Variants in SRR observed in about 807,000 individuals in gnomAD.
SRR encodes the protein serine racemase.
SRR carries 19 observed loss-of-function variants against 32.7 expected under a neutral mutation model. That is an observed-to-expected ratio of 0.58 (90% CI 0.40 to 0.85). The LOEUF (loss-of-function observed/expected upper bound fraction) is 0.85. Ranked by LOEUF, SRR falls within the 40% of genes least tolerant of loss-of-function variation. SRR has a pLI of 0.00. For missense variants in SRR, 373 were observed against 404.7 expected (o/e 0.92, Z 0.67); for synonymous variants, 142 against 140.9 (o/e 1.01, Z -0.06).
intron 2 of SRR, among the ~76,000 whole-genome samples, chr17:2,316,974 T>A (rs769380050): frequency 6.7e-6 from 1 of 149,488 alleles, no homozygotes; most frequent in Non-Finnish European, 1.5e-5. Flanking sequence ...CGCCCGCCTC[T>A]GCCTCCCAAA....
At position 2,323,751 on chromosome 17, in the gene SRR, G is replaced by A. The variant is rs377162534; in HGVS notation, c.901G>A (p.Val301Ile). The A allele has an allele frequency of 1.4e-4, 221 of 1,614,054 alleles. No homozygotes were observed. The highest frequency in any genetic ancestry group is 1.8e-4 in the Non-Finnish European group (217 of 1,180,032). Residue 301 changes from valine to isoleucine, a missense_variant, in exon 8 of 8, where the codon GTT (valine) becomes ATT (isoleucine). Coordinates refer to ENST00000344595, the MANE Select transcript of SRR (RefSeq NM_021947.3). ...TGTGCTGTCTCAACATTTTCAAACT[G>A]TTTCCCCAGAAGTAAAGAACATTTG... The part of the protein sequence containing the change: ...AAVLSQHFQT[V>I]SPEVKNICIV...
At chr17:2,305,515 C>T (rs1211786912) in intron 1 of SRR, among the ~76,000 whole-genome samples, 4 of 151,920 alleles carry the variant, frequency 2.6e-5, no homozygotes, top group African/African-American at 7.3e-5. Context: ...ATACGAGTTC[C>T]AGAAGGGGAT....
chr17:2,316,692 C>A (rs1415692030), intron 2 of SRR, among the ~76,000 whole-genome samples: 8 of 151,868 alleles, frequency 5.3e-5, no homozygotes, highest in Non-Finnish European at 1.0e-4. Context: ...GCCTGACCAA[C>A]ATGATGAAAC....
rs2075567593 is a variant in SRR, at chr17:2,325,050, T to C, written c.*1177T>C. The C allele has an allele frequency of 1.7e-6, 1 of 605,422 alleles. No individual in the cohort carries two copies. The highest frequency in any genetic ancestry group is 2.8e-6 in the Non-Finnish European group (1 of 357,338). The allele number at this position is 605,422 out of a possible 1,614,324, so 37.5% of individuals were successfully genotyped here. A position where few individuals can be genotyped will look rare whatever the true frequency, so the allele number is the denominator to read the frequency against. On this transcript the variant is annotated 3_prime_UTR_variant, in exon 8 of 8. Transcript: ENST00000344595. ...AAATGATGTATAACAAAACCATACT[T>C]TTTCTCATCAGTTGTTACAAGGAAA...
rs201876645 is a variant in SRR, at chr17:2,323,860, C to T, written c.1010C>T (p.Ser337Phe). ...KQAERPASYQ[S>F]VSV The stretch of plus-strand genomic sequence containing the variant: ...GCTGAAAGGCCAGCTTCTTATCAGT[C>T]TGTTTCTGTTTAATTTACAGAAAAG... The change falls in exon 8 of 8, where the codon TCT (serine) becomes TTT (phenylalanine). Residue 337 changes from serine (S) to phenylalanine (F), a missense_variant. Transcript: ENST00000344595. 55 of 1,613,882 alleles carry T rather than the reference C, an allele frequency of 3.4e-5. 1 individual carries two copies. The African/African-American group carries it at 6.8e-4, about 20-fold the overall frequency.
chr17:2,324,072 C>T lies in SRR; in HGVS notation c.*199C>T, dbSNP rs866264166. The T allele has an allele frequency of 4.4e-6, 6 of 1,370,396 alleles. No individual in the cohort carries two copies. In the South Asian group the frequency reaches 8.8e-5, roughly 20 times the overall value. 84.9% of individuals were successfully genotyped at this position (1,370,396 alleles called of 1,614,324 possible). A position where few individuals can be genotyped will look rare whatever the true frequency, so the allele number is the denominator to read the frequency against. On this transcript the variant is annotated 3_prime_UTR_variant, in exon 8 of 8. Coordinates refer to ENST00000344595, the MANE Select transcript of SRR (RefSeq NM_021947.3). The stretch of plus-strand genomic sequence containing the variant: ...CATTTTGTCAAGGCTAAAAAAAAGT[C>T]TTGCAAAATGGGGCAGTGGACTGAC...
rs754668063 is a variant in SRR at position 2,324,217 on chromosome 17, C to T, written c.*344C>T. On this transcript the variant is annotated 3_prime_UTR_variant, in exon 8 of 8. Coordinates refer to ENST00000344595, the MANE Select transcript of SRR (RefSeq NM_021947.3). ...TCCATTACTCCATGCCCCCTTGAGG[C>T]ACTGTTGAAGAAATCTCACTTTTCA... 6.6e-7 allele frequency: 1 copy of T among 1,523,792 alleles called. No individual in the cohort carries two copies. Among genetic ancestry groups the T allele is most frequent in the Non-Finnish European group, 8.8e-7 (1 of 1,140,914 alleles). The allele number at this position is 1,523,792 out of a possible 1,614,324, so 94.4% of individuals were successfully genotyped here. A position where few individuals can be genotyped will look rare whatever the true frequency, so the allele number is the denominator to read the frequency against.
chr17:2,320,295 T>A (rs1304885021), intron 4 of SRR, among the ~76,000 whole-genome samples: 6 of 119,894 alleles, frequency 5.0e-5, no homozygotes, highest in Admixed American at 9.6e-5. Flanking sequence ...TCTCCCCGTC[T>A]CCCAGGCTGG....
chr17:2,317,184 T>C (rs1041013921), intron 2 of SRR, among the ~76,000 whole-genome samples: 3 of 120,744 alleles, frequency 2.5e-5, no homozygotes, highest in Admixed American at 1.1e-4. Flanking sequence ...CCATGGGTGA[T>C]AGAGGAAGAC....
chr17:2,323,401 AG>A, intron 7 of SRR, 56 bp downstream of exon 7: 4 of 1,601,430 alleles, frequency 2.5e-6, no homozygotes, highest in Non-Finnish European at 3.4e-6. Flanking sequence ...CTTAGGCAGA[AG>A]AAACTTCCCT....
intron 1 of SRR, among the ~76,000 whole-genome samples, chr17:2,304,450 C>T (rs1265423509): frequency 6.7e-6 from 1 of 149,218 alleles, no homozygotes; most frequent in Non-Finnish European, 1.5e-5. Flanking sequence ...CGGGGTTTCA[C>T]TAGGCTGGTC....
At chr17:2,316,798 C>T (rs970092112) in intron 2 of SRR, among the ~76,000 whole-genome samples, 44 of 152,062 alleles carry the variant, frequency 2.9e-4, no homozygotes, top group Admixed American at 7.9e-4. Flanking sequence ...CTGTAAGCTC[C>T]ACCTCCCAGG....
rs1014285417 is a variant in SRR, at chr17:2,307,726, A to G, written c.-5+3709A>G. On this transcript the variant is annotated intron_variant, in intron 1 of 7. Coordinates refer to ENST00000344595, the MANE Select transcript of SRR (RefSeq NM_021947.3). ...AGTGGCGGAAGATTTTAATTAGGCAACAAAGCTTAGCATGAGAGGAGAGCC... is the reference window on the plus strand; with the variant it reads ...AGTGGCGGAAGATTTTAATTAGGCAGCAAAGCTTAGCATGAGAGGAGAGCC... The G allele has an allele frequency of 1.7e-4, 166 of 987,986 alleles. No individual in the cohort carries two copies. The African/African-American group carries it at 2.4e-3, about 14-fold the overall frequency. The allele number at this position is 987,986 out of a possible 1,614,324, so 61.2% of individuals were successfully genotyped here.
At chr17:2,310,141 T>A (rs1195555650) in intron 1 of SRR, among the ~76,000 whole-genome samples, 2 of 152,106 alleles carry the variant, frequency 1.3e-5, no homozygotes, top group Admixed American at 6.6e-5. Context: ...CCTACTAAGG[T>A]AGTACAAATT....
intron 1 of SRR, among the ~76,000 whole-genome samples, chr17:2,313,501 C>G (rs1041565479): frequency 6.7e-6 from 1 of 149,698 alleles, no homozygotes; most frequent in Admixed American, 6.7e-5. Context: ...TTTGGGAGGC[C>G]GAGGCGGGCG....
Position 2,324,212 on chromosome 17 carries a change from T to G in SRR, c.*339T>G. On this transcript the variant is annotated 3_prime_UTR_variant, in exon 8 of 8. Transcript: ENST00000344595. The stretch of plus-strand genomic sequence containing the variant: ...TTGAATCCATTACTCCATGCCCCCT[T>G]GAGGCACTGTTGAAGAAATCTCACT... 6.6e-7 allele frequency: 1 copy of G among 1,523,286 alleles called. No individual in the cohort carries two copies. The highest frequency in any genetic ancestry group is 8.8e-7 in the Non-Finnish European group (1 of 1,140,554). 94.4% of individuals were successfully genotyped at this position (1,523,286 alleles called of 1,614,324 possible). A position where few individuals can be genotyped will look rare whatever the true frequency, so the allele number is the denominator to read the frequency against.
In SRR at chr17:2,323,347, T is replaced by C; in HGVS notation, c.804+2T>C. On this transcript the variant is annotated splice_donor_variant, in intron 7 of 7. Coordinates refer to ENST00000344595, the MANE Select transcript of SRR (RefSeq NM_021947.3). LOFTEE classifies it high-confidence loss of function. ...ACTGTCACAGAGGATGAAATTAAGG[T>C]GAGGCTCCAGCAAGAAAAGAAATAG... The C allele has an allele frequency of 1.2e-6, 2 of 1,613,860 alleles. No homozygotes were observed. Among genetic ancestry groups the C allele is most frequent in the Non-Finnish European group, 8.5e-7 (1 of 1,179,814 alleles).
chr17:2,323,981 A>T lies in SRR; in HGVS notation c.*108A>T. ...ATCAGATTCTTAATGGAGAGTGGCT[A>T]TTTCATTAAGATTTAATAGTTTTTT... On this transcript the variant is annotated 3_prime_UTR_variant, in exon 8 of 8. Coordinates refer to ENST00000344595, the MANE Select transcript of SRR (RefSeq NM_021947.3). 1.7e-6 allele frequency: 2 copies of T among 1,169,916 alleles called. No individual in the cohort carries two copies. The highest frequency in any genetic ancestry group is 2.4e-6 in the Non-Finnish European group (2 of 834,058). 72.5% of individuals were successfully genotyped at this position (1,169,916 alleles called of 1,614,324 possible).
chr17:2,323,277 T>C lies in SRR; in HGVS notation c.736T>C (p.Leu246=). Reference sequence around the variant, plus strand: ...AGATGGTGTCAAATCCAGCATTGGCTTGAACACCTGGCCTATTATCAGGGA... The same window carrying C: ...AGATGGTGTCAAATCCAGCATTGGCCTGAACACCTGGCCTATTATCAGGGA... The part of the protein sequence containing the change: ...IADGVKSSIG[L]NTWPIIRDLV... The change falls in exon 7 of 8, where the codon TTG becomes CTG. Residue 246 remains leucine, a synonymous_variant. Coordinates refer to ENST00000344595, the MANE Select transcript of SRR (RefSeq NM_021947.3). The C allele has an allele frequency of 6.2e-7, 1 of 1,614,168 alleles. No individual in the cohort carries two copies. Among genetic ancestry groups the C allele is most frequent in the Non-Finnish European group, 8.5e-7 (1 of 1,179,998 alleles).
Sources: allele counts gnomAD v4.1 joint callset (sites outside exome capture counted in the v4.1 genomes callset), GRCh38; gene constraint gnomAD v4.1.1; transcripts MANE v1.5; gene names NCBI Gene and HGNC (gene_info 2026-07-23, HGNC 2026-07-21).